FGGY: variants seen among roughly 807,000 people sequenced by gnomAD.
FGGY encodes the protein FGGY carbohydrate kinase domain containing.
In FGGY, 72 loss-of-function variants were observed where a neutral mutation model predicts 71.3. The ratio of observed to expected loss-of-function variants is 1.01; its 90% CI spans 0.84 to 1.23. The LOEUF is 1.23. FGGY is among the 50% of genes most tolerant of loss of function. The probability of loss-of-function intolerance (pLI) is 0.00; values close to 1 mark genes in which losing one functional copy is unlikely to be tolerated. For missense variants in FGGY, 668 were observed against 682.3 expected, an observed-to-expected ratio of 0.98 and a Z score of 0.23; for synonymous variants, 251 against 250.3, an observed-to-expected ratio of 1.00 and a Z score of -0.02.
chr1:59,560,209 C>G (rs1217730547), intron 8 of FGGY, among the ~76,000 whole-genome samples: 1 of 152,144 alleles, frequency 6.6e-6, no homozygotes, highest in East Asian at 1.9e-4. Flanking sequence ...AGTCTAATTA[C>G]CAGGAAAACA....
rs548557374 is a variant in FGGY, at chr1:59,734,621, A to T, written c.1513-23310A>T. On this transcript the variant is annotated intron_variant, in intron 14 of 15. Coordinates refer to ENST00000303721, the MANE Select transcript of FGGY (RefSeq NM_018291.5). ...TATGACATACATGAAGCATACATGC[A>T]TATAGACACAGACATACATACCATT... is the stretch of plus-strand genomic sequence containing the variant. Among the ~76,000 whole-genome samples, 44 of 152,378 alleles carry T rather than the reference A, an allele frequency of 2.9e-4. 1 individual carries two copies. In the South Asian group the frequency reaches 8.9e-3, roughly 31 times the overall value.
At chr1:59,430,201 A>C (rs1031870573) in intron 5 of FGGY, among the ~76,000 whole-genome samples, 2 of 152,218 alleles carry the variant, frequency 1.3e-5, no homozygotes, top group Non-Finnish European at 2.9e-5. Flanking sequence ...GGGAGAAAAT[A>C]ATTACTTGGC....
intron 4 of FGGY, among the ~76,000 whole-genome samples, chr1:59,364,400 A>G (rs2056202532): frequency 6.6e-6 from 1 of 152,266 alleles, no homozygotes; most frequent in African/African-American, 2.4e-5. Flanking sequence ...AAAAGCCATT[A>G]GCTTGAATGA....
chr1:59,642,902 G>C (rs1572523563), intron 11 of FGGY, among the ~76,000 whole-genome samples: 1 of 151,622 alleles, frequency 6.6e-6, no homozygotes, highest in East Asian at 2.0e-4. Context: ...GGGCATGGTG[G>C]CGGGTGGCTG....
intron 14 of FGGY, among the ~76,000 whole-genome samples, chr1:59,683,364 G>A (rs1189357297): frequency 2.0e-5 from 3 of 152,162 alleles, no homozygotes; most frequent in Non-Finnish European, 4.4e-5. Context: ...AAAATTATCT[G>A]ACATTAACAC....
At chr1:59,532,804 T>A (rs190865701) in intron 7 of FGGY, among the ~76,000 whole-genome samples, 1 of 152,032 alleles carries the variant, frequency 6.6e-6, no homozygotes, top group East Asian at 1.9e-4. Context: ...ATGGAAAATA[T>A]AAGAATTAGA....
intron 6 of FGGY, among the ~76,000 whole-genome samples, chr1:59,467,871 C>T (rs1467820818): frequency 6.6e-6 from 1 of 151,228 alleles, no homozygotes; most frequent in Non-Finnish European, 1.5e-5. Flanking sequence ...TTGTTGGCTT[C>T]AATTGTTTCT....
chr1:59,336,031 G>T (rs116782181), intron 2 of FGGY, among the ~76,000 whole-genome samples: 3,378 of 151,998 alleles, frequency 0.022, 142 homozygotes, highest in African/African-American at 0.078. Flanking sequence ...TCTTTTGTGG[G>T]TCTTGCTTGC....
intron 7 of FGGY, among the ~76,000 whole-genome samples, chr1:59,523,179 GA>G (rs1477155875): frequency 1.3e-5 from 2 of 152,234 alleles, no homozygotes; most frequent in Non-Finnish European, 2.9e-5. Flanking sequence ...CGGACTGCTA[GA>G]AAAGTGTGTG....
intron 1 of FGGY, among the ~76,000 whole-genome samples, chr1:59,305,557 A>G: frequency 6.6e-6 from 1 of 152,150 alleles, no homozygotes; most frequent in East Asian, 1.9e-4. Context: ...TTTAAGGGTA[A>G]TGGTAATGCT....
chr1:59,651,583 T>C (rs1213582811), intron 11 of FGGY, among the ~76,000 whole-genome samples: 2 of 149,182 alleles, frequency 1.3e-5, no homozygotes, highest in Non-Finnish European at 3.0e-5. Flanking sequence ...ACCCCTGCCT[T>C]TTTTTGTTTT....
intron 7 of FGGY, among the ~76,000 whole-genome samples, chr1:59,525,674 T>C (rs68178222): frequency 0.055 from 8,340 of 152,286 alleles, 349 homozygotes; most frequent in African/African-American, 0.11. Flanking sequence ...GTCTTCCTTC[T>C]GTGTGTCAGG....
intron 5 of FGGY, among the ~76,000 whole-genome samples, chr1:59,389,066 G>A (rs2060408760): frequency 6.6e-6 from 1 of 152,084 alleles, no homozygotes; most frequent in African/African-American, 2.4e-5. Context: ...TCCTGCCTTA[G>A]CCTACTGAGT....
intron 11 of FGGY, among the ~76,000 whole-genome samples, chr1:59,653,996 C>T (rs1190335088): frequency 2.6e-5 from 4 of 152,172 alleles, no homozygotes; most frequent in Non-Finnish European, 5.9e-5. Flanking sequence ...CGTCATCTGG[C>T]TATTAAATAA....
At chr1:59,430,359 T>A (rs1363209334) in intron 5 of FGGY, among the ~76,000 whole-genome samples, 1 of 152,202 alleles carries the variant, frequency 6.6e-6, no homozygotes, top group Non-Finnish European at 1.5e-5. Context: ...CAAACCACCC[T>A]GAATATTGGA....
rs573140089 is a variant in FGGY, at chr1:59,377,795, G to A, written c.466-954G>A. 2.6e-5 allele frequency among the ~76,000 whole-genome samples: 4 copies of A among 152,280 alleles called. No individual in the cohort carries two copies. In the South Asian group the frequency reaches 6.2e-4, roughly 24 times the overall value. On this transcript the variant is annotated intron_variant, in intron 4 of 15. Transcript: ENST00000303721. ...GTTGATCCTGGGAGGGCACAGGGTGGTGGGTGAGGAATGAATGTTTTAGGC... is the reference window on the plus strand; with the variant it reads ...GTTGATCCTGGGAGGGCACAGGGTGATGGGTGAGGAATGAATGTTTTAGGC...
intron 1 of FGGY, among the ~76,000 whole-genome samples, chr1:59,299,927 C>T (rs72480635): frequency 6.6e-6 from 1 of 151,914 alleles, no homozygotes; most frequent in Non-Finnish European, 1.5e-5. Context: ...CTGGGTGGAG[C>T]AGGTGATCGA....
At chr1:59,398,190 C>T (rs1244541492) in intron 5 of FGGY, among the ~76,000 whole-genome samples, 1 of 152,074 alleles carries the variant, frequency 6.6e-6, no homozygotes, top group Non-Finnish European at 1.5e-5. Context: ...GCATTTTTCT[C>T]CAGCTACAGT....
At chr1:59,697,871 G>C in intron 14 of FGGY, 1 of 406,638 alleles carries the variant, frequency 2.5e-6, no homozygotes, top group Non-Finnish European at 4.2e-6. Context: ...TTAAAAGTGG[G>C]TTTTCAAATA....
Sources: gnomAD v4.1 joint callset for allele counts (sites outside exome capture counted in the v4.1 genomes callset) on GRCh38, gnomAD v4.1.1 for gene constraint, MANE v1.5 for transcripts, NCBI Gene and HGNC (gene_info 2026-07-23, HGNC 2026-07-21) for gene names.